Variants in ZMYM2 observed in about 807,000 individuals in gnomAD.
ZMYM2 encodes the protein zinc finger MYM-type protein 2.
Under a neutral mutation model 162.8 loss-of-function variants are expected in ZMYM2, and 56 were observed. The ratio of observed to expected loss-of-function variants is 0.34; its 90% CI spans 0.28 to 0.43. The LOEUF is 0.43. Among genes scored for constraint, ZMYM2 ranks in the 20% least tolerant of loss-of-function variants. The pLI, the probability that ZMYM2 is intolerant of heterozygous loss-of-function variation, is 1.00. For synonymous variants in ZMYM2, 510 were observed against 541.6 expected, an observed-to-expected ratio of 0.94 and a Z score of 0.81; for missense variants, 1,275 against 1,621.8, an observed-to-expected ratio of 0.79 and a Z score of 3.67.
At chr13:19,871,818 T>C in the ZMYM2 span, among the ~76,000 whole-genome samples, 1 of 152,058 alleles carries the variant, frequency 6.6e-6, no homozygotes, top group East Asian at 1.9e-4. Context: ...TCTCAACAAA[T>C]ATTAAAGAAT....
At chr13:20,056,562 C>G (rs1955812592) in intron 14 of ZMYM2, among the ~76,000 whole-genome samples, 1 of 152,130 alleles carries the variant, frequency 6.6e-6, no homozygotes, top group Non-Finnish European at 1.5e-5. Context: ...TGGATAGACT[C>G]CTGGAAGCAG....
At chr13:19,975,121 C>T (rs1373762612) in intron 2 of ZMYM2, among the ~76,000 whole-genome samples, 1 of 149,810 alleles carries the variant, frequency 6.7e-6, no homozygotes, top group East Asian at 2.0e-4. Context: ...ATTTTCTTTT[C>T]ATAGGATATC....
intron 14 of ZMYM2, among the ~76,000 whole-genome samples, chr13:20,056,768 T>A (rs1224013897): frequency 6.6e-6 from 1 of 152,104 alleles, no homozygotes; most frequent in South Asian, 2.1e-4. Flanking sequence ...GAAGGTGATA[T>A]CAGAATGGAA....
At chr13:20,000,223 A>G (rs1177491091) in intron 3 of ZMYM2, among the ~76,000 whole-genome samples, 1 of 152,226 alleles carries the variant, frequency 6.6e-6, no homozygotes, top group Non-Finnish European at 1.5e-5. Context: ...TTTCAGTTTT[A>G]TGAGAACTGA....
chr13:20,000,843 A>C (rs569063233), intron 3 of ZMYM2, among the ~76,000 whole-genome samples: 69 of 152,376 alleles, frequency 4.5e-4, no homozygotes, highest in African/African-American at 1.5e-3. Context: ...TTGTAAGGCT[A>C]TAACTGCCAT....
chr13:19,920,740 A>G, the ZMYM2 span, among the ~76,000 whole-genome samples: 13 of 7,466 alleles, frequency 1.7e-3, no homozygotes, highest in African/African-American at 3.8e-3. Context: ...TTATGTGTGT[A>G]TGTATGTATG....
At chr13:19,977,669 CT>C (rs1366739910) in intron 2 of ZMYM2, among the ~76,000 whole-genome samples, 1 of 146,504 alleles carries the variant, frequency 6.8e-6, no homozygotes, top group African/African-American at 2.5e-5. Flanking sequence ...TTTTTGTATT[CT>C]TAGTAGAGAC....
intron 16 of ZMYM2, among the ~76,000 whole-genome samples, 178 bp downstream of exon 16, chr13:20,059,740 C>A (rs571116378): frequency 9.9e-5 from 15 of 152,004 alleles, no homozygotes; most frequent in African/African-American, 2.9e-4. Flanking sequence ...GTTCCACATC[C>A]GTGACCAAAC....
chr13:20,083,983 ATCTC>A (rs1229247859), intron 24 of ZMYM2, among the ~76,000 whole-genome samples: 2 of 152,190 alleles, frequency 1.3e-5, no homozygotes, highest in Non-Finnish European at 2.9e-5. Context: ...GTGTTAAGAA[ATCTC>A]TCTCTACTAA....
At chr13:20,046,001 G>T (rs969078931) in intron 12 of ZMYM2, among the ~76,000 whole-genome samples, 1 of 151,592 alleles carries the variant, frequency 6.6e-6, no homozygotes, top group African/African-American at 2.4e-5. Flanking sequence ...CAGCACTTTG[G>T]GAGTATGAGG....
At chr13:19,874,502 G>A in the ZMYM2 span, among the ~76,000 whole-genome samples, 3 of 152,072 alleles carry the variant, frequency 2.0e-5, no homozygotes, top group Admixed American at 2.0e-4. Context: ...CAAGTAGCTG[G>A]GATTAGAGAT....
chr13:20,066,397 C>T (rs370908429), intron 19 of ZMYM2, among the ~76,000 whole-genome samples: 5 of 152,270 alleles, frequency 3.3e-5, no homozygotes, highest in African/African-American at 9.6e-5. Context: ...TTACTTTTGA[C>T]TCCCTAAAAA....
chr13:20,048,122 C>T (rs1417750065), intron 12 of ZMYM2, among the ~76,000 whole-genome samples: 1 of 151,896 alleles, frequency 6.6e-6, no homozygotes, highest in African/African-American at 2.4e-5. Flanking sequence ...TTCGATTGCA[C>T]AGTTTTTTAA....
intron 2 of ZMYM2, among the ~76,000 whole-genome samples, chr13:19,981,729 GT>G (rs1957346308): frequency 6.6e-6 from 1 of 152,014 alleles, no homozygotes; most frequent in Non-Finnish European, 1.5e-5. Flanking sequence ...TTCTTAAAAT[GT>G]TTTCTCCCCT....
the ZMYM2 span, among the ~76,000 whole-genome samples, chr13:19,884,531 C>T: frequency 6.6e-6 from 1 of 151,926 alleles, no homozygotes. Flanking sequence ...CAAGATCGCG[C>T]CACTGCACTC....
chr13:20,037,957 T>C (rs1953886049), intron 12 of ZMYM2, among the ~76,000 whole-genome samples: 1 of 152,142 alleles, frequency 6.6e-6, no homozygotes, highest in Non-Finnish European at 1.5e-5. Flanking sequence ...CACCCTCCAC[T>C]CTTTCATAGG....
chr13:19,930,691 C>G, the ZMYM2 span, among the ~76,000 whole-genome samples: 1 of 151,148 alleles, frequency 6.6e-6, no homozygotes, highest in South Asian at 2.1e-4. Flanking sequence ...AGACGACCGC[C>G]ACCAGGCCCT....
chr13:19,933,112 C>A, the ZMYM2 span, among the ~76,000 whole-genome samples: 1 of 151,994 alleles, frequency 6.6e-6, no homozygotes, highest in Non-Finnish European at 1.5e-5. Flanking sequence ...CCACTGTCAG[C>A]TAATTTATTT....
the ZMYM2 span, among the ~76,000 whole-genome samples, chr13:19,948,341 T>C: frequency 1.3e-5 from 2 of 152,172 alleles, no homozygotes. Flanking sequence ...AAAACTTGAA[T>C]GCAACCAAGA....
Sources: gnomAD v4.1 joint callset for allele counts (sites outside exome capture counted in the v4.1 genomes callset) on GRCh38, gnomAD v4.1.1 for gene constraint, MANE v1.5 for transcripts, NCBI Gene and HGNC (gene_info 2026-07-23, HGNC 2026-07-21) for gene names.